RERE: variants seen among roughly 807,000 people sequenced by gnomAD.
The protein encoded by RERE is arginine-glutamic acid dipeptide repeats.
Under a neutral mutation model 146.1 loss-of-function variants are expected in RERE, and 40 were observed. The ratio of observed to expected loss-of-function variants is 0.27; its 90% CI spans 0.21 to 0.36. The LOEUF is 0.36. Among genes scored for constraint, RERE ranks in the 10% least tolerant of loss-of-function variants. The pLI, the probability that RERE is intolerant of heterozygous loss-of-function variation, is 1.00. For synonymous variants in RERE, 1,003 were observed against 866.0 expected (o/e 1.16, Z -2.78); for missense variants, 1,933 against 2,138.7 (o/e 0.90, Z 1.90).
intron 1 of RERE, among the ~76,000 whole-genome samples, chr1:8,717,253 A>G (rs1639782864): frequency 6.6e-6 from 1 of 152,224 alleles, no homozygotes; most frequent in Non-Finnish European, 1.5e-5. Context: ...AATAAGATGG[A>G]TAAGGGAAAG....
Position 8,443,516 on chromosome 1 carries a change from G to C in RERE, c.1204-20709C>G, listed in dbSNP as rs149990612. Among the ~76,000 whole-genome samples the C allele has an allele frequency of 2.4e-4, 37 of 151,620 alleles. No individual in the cohort carries two copies. In the East Asian group the frequency reaches 6.2e-3, roughly 25 times the overall value. On this transcript the variant is annotated intron_variant, in intron 11 of 22. Transcript: ENST00000400908. ...TTTCTCAGGAGAGAAATTCAGGCAG[G>C]CTGTAAAGCAATCACTTGCTAGAGA... is the stretch of plus-strand genomic sequence containing the variant.
intron 1 of RERE, among the ~76,000 whole-genome samples, chr1:8,679,577 A>G (rs1638918452): frequency 6.6e-6 from 1 of 152,198 alleles, no homozygotes; most frequent in Non-Finnish European, 1.5e-5. Context: ...GACAGGCTAT[A>G]TGTAATGACA....
intron 8 of RERE, among the ~76,000 whole-genome samples, chr1:8,505,371 G>A (rs796311275): frequency 3.3e-5 from 5 of 152,276 alleles, no homozygotes; most frequent in African/African-American, 4.8e-5. Flanking sequence ...GGAAAATGAT[G>A]TATTTGTGAG....
At chr1:8,358,124 G>A in intron 20 of RERE, 72 bp downstream of exon 20, 5 of 1,522,918 alleles carry the variant, frequency 3.3e-6, no homozygotes, top group South Asian at 1.3e-5. Flanking sequence ...GCTCCTGGAT[G>A]GTGACTGTCA....
intron 2 of RERE, among the ~76,000 whole-genome samples, chr1:8,645,715 T>TA (rs904814885): frequency 2.6e-5 from 4 of 152,124 alleles, no homozygotes; most frequent in Admixed American, 6.5e-5. Flanking sequence ...CCTTTCCCTA[T>TA]AAAATCAAAA....
chr1:8,551,514 GA>G (rs1645935530), intron 6 of RERE, among the ~76,000 whole-genome samples: 1 of 152,178 alleles, frequency 6.6e-6, no homozygotes, highest in Non-Finnish European at 1.5e-5. Flanking sequence ...AGGCCACAGA[GA>G]AATAGTAAAA....
At chr1:8,455,548 G>C (rs561373912) in intron 11 of RERE, among the ~76,000 whole-genome samples, 1 of 152,198 alleles carries the variant, frequency 6.6e-6, no homozygotes, top group Non-Finnish European at 1.5e-5. Flanking sequence ...GGAGTTGGTT[G>C]CTCCTTCCAA....
At chr1:8,374,300 A>G (rs553367178) in intron 12 of RERE, among the ~76,000 whole-genome samples, 1 of 152,342 alleles carries the variant, frequency 6.6e-6, no homozygotes, top group East Asian at 1.9e-4. Context: ...GGGCCAGTCT[A>G]AGACACTCAT....
intron 1 of RERE, among the ~76,000 whole-genome samples, chr1:8,697,868 T>C (rs1639368363): frequency 6.6e-6 from 1 of 152,002 alleles, no homozygotes; most frequent in South Asian, 2.1e-4. Flanking sequence ...ATCTTTGGAA[T>C]AGAAAAAAAA....
rs1360760237 is a variant in RERE, at chr1:8,361,341, C to T, written c.2166G>A (p.Glu722=). Residue 722 remains glutamate, a synonymous_variant, in exon 18 of 23, where the codon GAG becomes GAA. Coordinates refer to ENST00000400908, the MANE Select transcript of RERE (RefSeq NM_001042681.2). ...SPSIPSPQDN[E]SDSDSSAQQQ... ...GCTGGGCTGACGAGTCCGAGTCACTCTCATTGTCCTGGGGGCTGGGGATGC... is the reference window on the plus strand; with the variant it reads ...GCTGGGCTGACGAGTCCGAGTCACTTTCATTGTCCTGGGGGCTGGGGATGC... 1 of 1,613,360 alleles carries T rather than the reference C, an allele frequency of 6.2e-7. No individual in the cohort carries two copies. Among genetic ancestry groups the T allele is most frequent in the African/African-American group, 1.3e-5 (1 of 74,968 alleles).
At chr1:8,767,682 TA>T (rs35809003) in intron 1 of RERE, among the ~76,000 whole-genome samples, 81,790 of 150,700 alleles carry the variant, frequency 0.54, 22,806 homozygotes, top group East Asian at 0.83. Context: ...CTTTCTTTAT[TA>T]AAAAAAATTA....
At chr1:8,437,682 TACAC>T (rs1644189278) in intron 11 of RERE, among the ~76,000 whole-genome samples, 1 of 152,154 alleles carries the variant, frequency 6.6e-6, no homozygotes, top group African/African-American at 2.4e-5. Context: ...GTGTGTAAAT[TACAC>T]ACACAAACAG....
chr1:8,552,325 C>G (rs1645945128), intron 6 of RERE, among the ~76,000 whole-genome samples: 1 of 152,214 alleles, frequency 6.6e-6, no homozygotes, highest in Non-Finnish European at 1.5e-5. Flanking sequence ...AGAGCCCCCT[C>G]AGAGTTACTG....
intron 12 of RERE, among the ~76,000 whole-genome samples, chr1:8,394,760 T>C (rs1642996174): frequency 1.3e-5 from 2 of 152,300 alleles, no homozygotes; most frequent in Non-Finnish European, 2.9e-5. Flanking sequence ...AAAAAATACG[T>C]TAACTTGCTC....
At position 8,360,959 on chromosome 1, in the gene RERE, C is replaced by A. The variant is rs1023746830; in HGVS notation, c.2548G>T (p.Gly850Cys). ...TGCAGGCTGTGAGGGCCGGGTGGGC[C>A]CTGACCGTGCAGTGGGGGCTGGGCA... is the stretch of plus-strand genomic sequence containing the variant. Reference protein sequence around the residue: ...SHAQPPLHGQGPPGPHSLQAG... With the variant: ...SHAQPPLHGQCPPGPHSLQAG... The change falls in exon 18 of 23, where the codon GGC becomes TGC. Residue 850 changes from glycine to cysteine, a missense_variant. This residue lies in a region of RERE where 1,255 missense variants were observed against 1,153.8 expected (regional missense o/e 1.09). Coordinates refer to ENST00000400908, the MANE Select transcript of RERE (RefSeq NM_001042681.2). 1 of 1,451,406 alleles carries A rather than the reference C, an allele frequency of 6.9e-7. No homozygotes were observed. Among genetic ancestry groups the A allele is most frequent in the African/African-American group, 1.4e-5 (1 of 69,544 alleles). 89.9% of individuals were successfully genotyped at this position (1,451,406 alleles called of 1,614,324 possible).
chr1:8,654,416 A>T (rs1638220890), intron 2 of RERE, among the ~76,000 whole-genome samples: 1 of 152,198 alleles, frequency 6.6e-6, no homozygotes, highest in South Asian at 2.1e-4. Flanking sequence ...TCATAACAGT[A>T]ACAGCATTCC....
At chr1:8,748,589 AG>A (rs1484914048) in intron 1 of RERE, among the ~76,000 whole-genome samples, 1 of 152,262 alleles carries the variant, frequency 6.6e-6, no homozygotes, top group Non-Finnish European at 1.5e-5. Context: ...AAAAGTGTCA[AG>A]AGCTTTCTTC....
chr1:8,599,022 A>C (rs1403315452), intron 4 of RERE, among the ~76,000 whole-genome samples: 1 of 152,194 alleles, frequency 6.6e-6, no homozygotes, highest in Non-Finnish European at 1.5e-5. Context: ...TGACAAGCCC[A>C]GTAAGCACTG....
At chr1:8,389,878 T>G (rs1025894859) in intron 12 of RERE, among the ~76,000 whole-genome samples, 6 of 152,316 alleles carry the variant, frequency 3.9e-5, no homozygotes, top group Admixed American at 3.3e-4. Flanking sequence ...CATCCACTTC[T>G]GCAAACAGTT....
Sources: gnomAD v4.1 joint callset for allele counts (sites outside exome capture counted in the v4.1 genomes callset) on GRCh38, gnomAD v4.1.1 for gene constraint, gnomAD v4.1.1 regional missense constraint, MANE v1.5 for transcripts, NCBI Gene and HGNC (gene_info 2026-07-23, HGNC 2026-07-21) for gene names.